CSRNP3: variants seen among roughly 807,000 people sequenced by gnomAD.
The protein encoded by CSRNP3 is cysteine/serine-rich nuclear protein 3.
A neutral mutation model predicts 48.0 loss-of-function variants in CSRNP3; 12 were observed. That is an observed-to-expected ratio of 0.25 (90% CI 0.16 to 0.41). The LOEUF (loss-of-function observed/expected upper bound fraction) is 0.41, where lower values mean the gene tolerates loss of function less well. Ranked by LOEUF, CSRNP3 falls within the 10% of genes least tolerant of loss-of-function variation. The pLI is 1.00. For synonymous variants in CSRNP3, 263 were observed against 269.7 expected, an observed-to-expected ratio of 0.98 and a Z score of 0.24; for missense variants, 580 against 724.4, an observed-to-expected ratio of 0.80 and a Z score of 2.29.
chr2:165,597,171 C>T (rs1372909252), intron 4 of CSRNP3, among the ~76,000 whole-genome samples: 3 of 152,094 alleles, frequency 2.0e-5, no homozygotes, highest in Non-Finnish European at 4.4e-5. Flanking sequence ...AGTGAAGAGG[C>T]AGATTATGTT....
chr2:165,561,488 T>C (rs1032457192), intron 3 of CSRNP3, among the ~76,000 whole-genome samples: 3 of 152,180 alleles, frequency 2.0e-5, no homozygotes, highest in Non-Finnish European at 4.4e-5. Flanking sequence ...CTGTTTGTTC[T>C]GGTTTCTTGA....
chr2:165,522,968 G>T (rs563409778), intron 3 of CSRNP3, among the ~76,000 whole-genome samples: 1 of 152,154 alleles, frequency 6.6e-6, no homozygotes, highest in East Asian at 1.9e-4. Flanking sequence ...CTTTCATTCT[G>T]ACTGTGGTCG....
chr2:165,596,953 C>T (rs1263578449), intron 4 of CSRNP3, among the ~76,000 whole-genome samples: 2 of 152,160 alleles, frequency 1.3e-5, no homozygotes, highest in South Asian at 2.1e-4. Context: ...GTAAGTAGTA[C>T]TACCTCCAAT....
chr2:165,534,198 G>A (rs1684852711), intron 3 of CSRNP3, among the ~76,000 whole-genome samples: 1 of 151,948 alleles, frequency 6.6e-6, no homozygotes, highest in African/African-American at 2.4e-5. Context: ...GGCAACCTGA[G>A]AACTGAAATA....
chr2:165,570,153 G>C (rs1267223371), intron 3 of CSRNP3, among the ~76,000 whole-genome samples: 1 of 151,848 alleles, frequency 6.6e-6, no homozygotes, highest in Non-Finnish European at 1.5e-5. Context: ...GAAAACTAAG[G>C]CATAAGATAC....
At chr2:165,648,616 T>C (rs1325627818) in intron 4 of CSRNP3, among the ~76,000 whole-genome samples, 1 of 152,216 alleles carries the variant, frequency 6.6e-6, no homozygotes, top group South Asian at 2.1e-4. Context: ...GTCTTGCTTT[T>C]GTCCTAGCAA....
intron 4 of CSRNP3, among the ~76,000 whole-genome samples, chr2:165,654,003 A>AG (rs1686962161): frequency 6.8e-6 from 1 of 147,334 alleles, no homozygotes; most frequent in Non-Finnish European, 1.5e-5. Context: ...AAAAAAAAAA[A>AG]AAAAATTACC....
intron 1 of CSRNP3, among the ~76,000 whole-genome samples, chr2:165,492,086 C>T (rs922938209): frequency 6.6e-6 from 1 of 152,046 alleles, no homozygotes; most frequent in African/African-American, 2.4e-5. Context: ...CAACTCCCAC[C>T]CCAAAGGAAC....
chr2:165,500,165 A>G (rs1159777937), intron 2 of CSRNP3, among the ~76,000 whole-genome samples: 1 of 151,592 alleles, frequency 6.6e-6, no homozygotes, highest in East Asian at 1.9e-4. Flanking sequence ...AGATGTTTCC[A>G]TGGTGAGACC....
In CSRNP3 at chr2:165,526,799, G is replaced by T. The variant is rs983748802; in HGVS notation, c.-24+8838G>T. On this transcript the variant is annotated intron_variant, in intron 3 of 6. Coordinates refer to ENST00000651982, the MANE Select transcript of CSRNP3 (RefSeq NM_001172173.2). Reference sequence around the variant, plus strand: ...AACACTGATGAGGATGTGGAGAAATGGACCATATCATACTACAGAGATGGG... The same window carrying T: ...AACACTGATGAGGATGTGGAGAAATTGACCATATCATACTACAGAGATGGG... Among the ~76,000 whole-genome samples, 10 of 152,138 alleles carry T rather than the reference G, an allele frequency of 6.6e-5. No individual in the cohort carries two copies. The East Asian group carries it at 1.9e-3, about 29-fold the overall frequency.
chr2:165,547,109 G>A (rs1048119428), intron 3 of CSRNP3, among the ~76,000 whole-genome samples: 1 of 152,092 alleles, frequency 6.6e-6, no homozygotes, highest in Admixed American at 6.5e-5. Flanking sequence ...AGTAAAAACT[G>A]CTCTCTTGGT....
intron 1 of CSRNP3, among the ~76,000 whole-genome samples, chr2:165,492,050 T>G (rs997843805): frequency 1.3e-5 from 2 of 151,712 alleles, no homozygotes; most frequent in South Asian, 4.2e-4. Context: ...CCCTCCACTT[T>G]GTCCTCTTTC....
chr2:165,478,008 G>A (rs745766424), intron 1 of CSRNP3, among the ~76,000 whole-genome samples: 2 of 150,196 alleles, frequency 1.3e-5, no homozygotes, highest in Non-Finnish European at 3.0e-5. Context: ...AAGAAGGAAG[G>A]AAGAAAGAAA....
intron 4 of CSRNP3, among the ~76,000 whole-genome samples, chr2:165,646,698 G>C (rs1033677078): frequency 1.3e-5 from 2 of 152,084 alleles, no homozygotes; most frequent in African/African-American, 2.4e-5. Context: ...CGGGTATTCT[G>C]CTGAGGAGCC....
At chr2:165,495,882 A>G (rs1303289726) in intron 2 of CSRNP3, among the ~76,000 whole-genome samples, 2 of 151,772 alleles carry the variant, frequency 1.3e-5, no homozygotes, top group African/African-American at 4.8e-5. Flanking sequence ...GTATTTGGGG[A>G]GTTTAAACTC....
At chr2:165,603,547 C>T (rs1405491673) in intron 4 of CSRNP3, among the ~76,000 whole-genome samples, 3 of 151,690 alleles carry the variant, frequency 2.0e-5, no homozygotes, top group Non-Finnish European at 4.4e-5. Flanking sequence ...TTTTTTTAAC[C>T]TCATCTCTTG....
At chr2:165,636,946 C>G (rs1339460918) in intron 4 of CSRNP3, among the ~76,000 whole-genome samples, 1 of 152,084 alleles carries the variant, frequency 6.6e-6, no homozygotes, top group Non-Finnish European at 1.5e-5. Flanking sequence ...GGAAGACAAC[C>G]AGCATTCCTA....
In CSRNP3 at chr2:165,687,278, C is replaced by A. The variant is rs1215511547; in HGVS notation, c.*7525C>A. 6.6e-6 allele frequency: 1 copy of A among 152,062 alleles called. No individual in the cohort carries two copies. The highest frequency in any genetic ancestry group is 2.4e-5 in the African/African-American group (1 of 41,420). 9.4% of individuals were successfully genotyped at this position (152,062 alleles called of 1,614,324 possible). On this transcript the variant is annotated 3_prime_UTR_variant, in exon 7 of 7. Coordinates refer to ENST00000651982, the MANE Select transcript of CSRNP3 (RefSeq NM_001172173.2). Reference sequence around the variant, plus strand: ...AGACAATGGTCTGTAACATGACCAACTTTTGACAAATATGGCTGTACTAGG... The same window carrying A: ...AGACAATGGTCTGTAACATGACCAAATTTTGACAAATATGGCTGTACTAGG...
intron 5 of CSRNP3, among the ~76,000 whole-genome samples, chr2:165,670,016 C>G (rs1687302936): frequency 6.6e-6 from 1 of 152,194 alleles, no homozygotes; most frequent in Non-Finnish European, 1.5e-5. Context: ...TGGATAACTG[C>G]TATTTATCTA....
Sources: gnomAD v4.1 joint callset for allele counts (sites outside exome capture counted in the v4.1 genomes callset) on GRCh38, gnomAD v4.1.1 for gene constraint, MANE v1.5 for transcripts, NCBI Gene and HGNC (gene_info 2026-07-23, HGNC 2026-07-21) for gene names.